NPSR1: variants seen among roughly 807,000 people sequenced by gnomAD.
NPSR1 encodes the protein neuropeptide S receptor.
In NPSR1, 48 loss-of-function variants were observed where a neutral mutation model predicts 46.9. The observed-to-expected ratio is 1.02, with a 90% CI of 0.81 to 1.30. NPSR1 has a LOEUF of 1.30. Ranked by LOEUF, NPSR1 falls within the 50% of genes most tolerant of loss-of-function variation. The pLI, the probability that NPSR1 is intolerant of heterozygous loss-of-function variation, is 0.00. For missense variants in NPSR1, 450 were observed against 449.5 expected (o/e 1.00, Z -0.01); for synonymous variants, 176 against 168.1 (o/e 1.05, Z -0.36).
intron 6 of NPSR1, among the ~76,000 whole-genome samples, chr7:34,836,210 C>T (rs1334006796): frequency 6.6e-6 from 1 of 152,066 alleles, no homozygotes; most frequent in Non-Finnish European, 1.5e-5. Context: ...AGAGAATAAA[C>T]ACAAGTGAAT....
intron 2 of NPSR1, among the ~76,000 whole-genome samples, chr7:34,727,959 T>C (rs1784243756): frequency 6.6e-6 from 1 of 150,936 alleles, no homozygotes; most frequent in Admixed American, 6.6e-5. Flanking sequence ...GTGCTATCCA[T>C]ATGGTTAAAA....
chr7:34,692,153 A>G (rs1793297656), intron 2 of NPSR1, among the ~76,000 whole-genome samples: 1 of 151,966 alleles, frequency 6.6e-6, no homozygotes, highest in East Asian at 1.9e-4. Context: ...AAACAAAATA[A>G]AAAGAAAGAA....
In NPSR1 at chr7:34,856,290, T is replaced by G. The variant is rs184299664; in HGVS notation, c.1025+7627T>G. 8.1e-4 allele frequency among the ~76,000 whole-genome samples: 123 copies of G among 151,756 alleles called. 6 individuals carry two copies. Among genetic ancestry groups the G allele is most frequent in the African/African-American group, 2.8e-3 (117 of 41,112 alleles). ...AAATTATTAGAATTAATCACAAGGT[T>G]TAATAAGGTTGCAGGATACAAAAAT... is the stretch of plus-strand genomic sequence containing the variant. On this transcript the variant is annotated intron_variant, in intron 8 of 8. Coordinates refer to the NPSR1 transcript ENST00000359791.
At chr7:34,803,602 G>C (rs1788535675) in intron 3 of NPSR1, among the ~76,000 whole-genome samples, 1 of 151,866 alleles carries the variant, frequency 6.6e-6, no homozygotes, top group South Asian at 2.1e-4. Flanking sequence ...AGCATTAGGA[G>C]ATATACCTAA....
At chr7:34,716,484 G>A (rs533492394) in intron 2 of NPSR1, among the ~76,000 whole-genome samples, 6 of 152,236 alleles carry the variant, frequency 3.9e-5, no homozygotes, top group Admixed American at 6.5e-5. Context: ...TCTATTGGGA[G>A]ATCTTGCAAG....
At chr7:34,827,191 G>A (rs1446240187) in intron 4 of NPSR1, among the ~76,000 whole-genome samples, 1 of 152,208 alleles carries the variant, frequency 6.6e-6, no homozygotes, top group African/African-American at 2.4e-5. Flanking sequence ...CAATGTGCTG[G>A]CTTCTGTTCA....
At chr7:34,767,689 G>A (rs147496771) in intron 2 of NPSR1, among the ~76,000 whole-genome samples, 21 of 151,700 alleles carry the variant, frequency 1.4e-4, no homozygotes, top group African/African-American at 4.8e-4. Flanking sequence ...AGAGAGAATG[G>A]GCAAAAGAAA....
chr7:34,869,020 G>A (rs1433216639), intron 8 of NPSR1, among the ~76,000 whole-genome samples: 3 of 151,572 alleles, frequency 2.0e-5, no homozygotes, highest in Non-Finnish European at 2.9e-5. Flanking sequence ...TGCACCTACT[G>A]TTTCTATCAT....
At chr7:34,684,481 G>A in intron 1 of NPSR1, 71 bp from the exon 2 acceptor site, 1 of 1,486,774 alleles carries the variant, frequency 6.7e-7, no homozygotes, top group Non-Finnish European at 9.2e-7. Flanking sequence ...AATCCAGCCT[G>A]GGGCAGGCAT....
chr7:34,790,946 A>G (rs182511461), intron 3 of NPSR1, among the ~76,000 whole-genome samples: 15 of 102,392 alleles, frequency 1.5e-4, no homozygotes, highest in Non-Finnish European at 2.2e-4. Context: ...ATTATATATC[A>G]TATATGTTAT....
chr7:34,790,709 TATATATA>T (rs1787709781), intron 3 of NPSR1, among the ~76,000 whole-genome samples: 1 of 134,554 alleles, frequency 7.4e-6, no homozygotes, highest in South Asian at 2.2e-4. Flanking sequence ...TGTTCTATGT[TATATATA>T]ATATATGTTA....
chr7:34,707,887 C>A (rs886792597), intron 2 of NPSR1, among the ~76,000 whole-genome samples: 8 of 152,148 alleles, frequency 5.3e-5, no homozygotes, highest in African/African-American at 1.9e-4. Flanking sequence ...GCTAGAAGTC[C>A]TCTATCAAAG....
At chr7:34,677,172 G>A (rs1792360758) in intron 1 of NPSR1, among the ~76,000 whole-genome samples, 1 of 152,154 alleles carries the variant, frequency 6.6e-6, no homozygotes, top group African/African-American at 2.4e-5. Context: ...GAAAAGACTG[G>A]ATCCCTTGGC....
chr7:34,759,133 T>C (rs1043939575), intron 2 of NPSR1, among the ~76,000 whole-genome samples: 10 of 152,196 alleles, frequency 6.6e-5, no homozygotes, highest in Admixed American at 4.6e-4. Flanking sequence ...ATTGTCAGAT[T>C]TCTCCACTGT....
chr7:34,823,132 G>A (rs767148244), intron 4 of NPSR1, among the ~76,000 whole-genome samples: 15 of 151,952 alleles, frequency 9.9e-5, no homozygotes, highest in Non-Finnish European at 1.8e-4. Context: ...GGCCCACGCC[G>A]GTAATCCCAG....
intron 8 of NPSR1, among the ~76,000 whole-genome samples, chr7:34,867,848 G>A (rs1210784466): frequency 6.6e-6 from 1 of 151,796 alleles, no homozygotes; most frequent in African/African-American, 2.4e-5. Context: ...CTCACCTATG[G>A]AAAAGGAGGA....
chr7:34,684,677 C>T lies in NPSR1; in HGVS notation c.273C>T (p.Ala91=), dbSNP rs768072274. The change falls in exon 2 of 9, where the codon GCC becomes GCT. Residue 91 remains alanine, a synonymous_variant. Transcript: ENST00000360581. ...SRMTFFVTQL[A]ITDSFTGLVN... ...TGACCTTCTTTGTGACTCAGCTGGC[C>T]ATCACAGGTAAGTAACTATGCAAGT... is the stretch of plus-strand genomic sequence containing the variant. The T allele has an allele frequency of 1.9e-6, 3 of 1,610,664 alleles. No individual in the cohort carries two copies. Among genetic ancestry groups the T allele is most frequent in the African/African-American group, 2.7e-5 (2 of 74,624 alleles).
intron 5 of NPSR1, among the ~76,000 whole-genome samples, chr7:34,829,737 T>C (rs971778796): frequency 6.6e-6 from 1 of 152,204 alleles, no homozygotes; most frequent in Admixed American, 6.5e-5. Flanking sequence ...AACTTGCCTG[T>C]GGGCTAGCTA....
intron 3 of NPSR1, among the ~76,000 whole-genome samples, chr7:34,808,074 G>A (rs1162748106): frequency 1.3e-5 from 2 of 152,156 alleles, no homozygotes; most frequent in East Asian, 3.9e-4. Flanking sequence ...AAGGGAGTGT[G>A]ACACACAGAC....
Sources: allele counts gnomAD v4.1 joint callset (sites outside exome capture counted in the v4.1 genomes callset), GRCh38; gene constraint gnomAD v4.1.1; transcripts MANE v1.5; gene names NCBI Gene and HGNC (gene_info 2026-07-23, HGNC 2026-07-21).